Variants in KANSL1L observed in about 807,000 individuals in gnomAD.
KANSL1L encodes the protein KAT8 regulatory NSL complex subunit 1 like, also known as KAT8 regulatory NSL complex subunit 1-like protein.
In KANSL1L, 25 loss-of-function variants were observed where a neutral mutation model predicts 108.6. The ratio of observed to expected loss-of-function variants is 0.23; its 90% confidence interval spans 0.17 to 0.32. The LOEUF is 0.32. Among genes scored for constraint, KANSL1L ranks in the 10% least tolerant of loss-of-function variants. The probability of loss-of-function intolerance (pLI) is 1.00; values close to 1 mark genes in which losing one functional copy is unlikely to be tolerated. For synonymous variants in KANSL1L, 405 were observed against 395.1 expected (o/e 1.03, Z -0.30); for missense variants, 1,137 against 1,125.7 (o/e 1.01, Z -0.14).
chr2:210,048,192 AGCAT>A (rs1429063699), intron 6 of KANSL1L, among the ~76,000 whole-genome samples: 3 of 152,200 alleles, frequency 2.0e-5, no homozygotes, highest in Non-Finnish European at 4.4e-5. Flanking sequence ...CATCACCAAA[AGCAT>A]CCCCATAACT....
intron 1 of KANSL1L, among the ~76,000 whole-genome samples, chr2:210,168,482 G>A (rs1688122525): frequency 6.6e-6 from 1 of 152,048 alleles, no homozygotes; most frequent in South Asian, 2.1e-4. Context: ...AATAATAAAG[G>A]AACTTCAGAT....
intron 2 of KANSL1L, chr2:210,152,458 T>C (rs973275150): frequency 6.6e-6 from 1 of 152,084 alleles, no homozygotes; most frequent in Non-Finnish European, 1.5e-5. Flanking sequence ...TTGGACAGAG[T>C]TGGTCTGTAG....
chr2:210,067,347 T>C (rs923874289), intron 6 of KANSL1L, among the ~76,000 whole-genome samples: 13 of 152,176 alleles, frequency 8.5e-5, no homozygotes, highest in African/African-American at 3.1e-4. Context: ...TTTGTGTGTA[T>C]ATGTATTCAT....
At position 210,167,183 on chromosome 2, in the gene KANSL1L, T is replaced by C. The variant is rs550931042; in HGVS notation, c.-30+3966A>G. Among the ~76,000 whole-genome samples the C allele has an allele frequency of 2.0e-5, 3 of 152,164 alleles. No homozygotes were observed. In the South Asian group the frequency reaches 6.2e-4, roughly 32 times the overall value. Reference sequence around the variant, plus strand: ...ATTAATGGAAAGTAGGAATACAAAATACAGTGTTGTTTTCAAGATTTCTTC... The same window carrying C: ...ATTAATGGAAAGTAGGAATACAAAACACAGTGTTGTTTTCAAGATTTCTTC... On this transcript the variant is annotated intron_variant, in intron 1 of 14. Coordinates refer to ENST00000281772, the MANE Select transcript of KANSL1L (RefSeq NM_152519.4).
At position 210,125,508 on chromosome 2, in the gene KANSL1L, C is replaced by T. The variant is rs760266738; in HGVS notation, c.1230+3523G>A. Among the ~76,000 whole-genome samples the T allele has an allele frequency of 2.6e-5, 4 of 152,128 alleles. No homozygotes were observed. In the South Asian group the frequency reaches 8.3e-4, roughly 32 times the overall value. ...CTGATGCCAAAGCCAGGCAAAGACA[C>T]TATAAGAAAATAAACTACAGATCAA... is the stretch of plus-strand genomic sequence containing the variant. On this transcript the variant is annotated intron_variant, in intron 3 of 14. Coordinates refer to ENST00000281772, the MANE Select transcript of KANSL1L (RefSeq NM_152519.4).
chr2:210,160,065 C>G (rs2095353767), intron 1 of KANSL1L, among the ~76,000 whole-genome samples: 1 of 152,082 alleles, frequency 6.6e-6, no homozygotes, highest in Admixed American at 6.5e-5. Flanking sequence ...CTAAAATTCA[C>G]CATATCAATA....
At position 210,044,847 on chromosome 2, in the gene KANSL1L, G is replaced by A. The variant is rs1441527017; in HGVS notation, c.1756-743C>T. ...TGCAGTGGCAGGATCTCGGCTCACTGCAACTTCTGCCTCCCGGGTTCAAGC... is the reference window on the plus strand; with the variant it reads ...TGCAGTGGCAGGATCTCGGCTCACTACAACTTCTGCCTCCCGGGTTCAAGC... On this transcript the variant is annotated intron_variant, in intron 6 of 14. Coordinates refer to ENST00000281772, the MANE Select transcript of KANSL1L (RefSeq NM_152519.4). The surrounding 1 kb of genome is among the most constrained non-coding windows in gnomAD (Gnocchi z 4.2). Among the ~76,000 whole-genome samples, 2 of 152,172 alleles carry A rather than the reference G, an allele frequency of 1.3e-5. No homozygotes were observed. Among genetic ancestry groups the A allele is most frequent in the East Asian group, 1.9e-4 (1 of 5,170 alleles).
intron 8 of KANSL1L, among the ~76,000 whole-genome samples, chr2:210,036,374 GT>G (rs2094103895): frequency 6.6e-6 from 1 of 151,858 alleles, no homozygotes; most frequent in African/African-American, 2.4e-5. Context: ...TAGAGACAGG[GT>G]TTTACCATGT....
rs148107133 is a variant in KANSL1L at position 210,093,479 on chromosome 2, A to C, written c.1550+4607T>G. Among the ~76,000 whole-genome samples the C allele has an allele frequency of 1.9e-4, 29 of 151,970 alleles. No homozygotes were observed. In the East Asian group the frequency reaches 5.0e-3, roughly 26 times the overall value. On this transcript the variant is annotated intron_variant, in intron 5 of 14. Transcript: ENST00000281772. ...CTTCTTATCATTCCACAATCTATTA[A>C]ATCTTCAGCTTGATTTTGCTGGATT...
At chr2:210,130,761 G>A (rs1049605229) in intron 2 of KANSL1L, among the ~76,000 whole-genome samples, 1 of 152,020 alleles carries the variant, frequency 6.6e-6, no homozygotes, top group Non-Finnish European at 1.5e-5. Context: ...AGGCAAGCAT[G>A]CTAGCGCGTA....
At chr2:210,146,348 G>A (rs201470729) in intron 2 of KANSL1L, among the ~76,000 whole-genome samples, 1 of 152,170 alleles carries the variant, frequency 6.6e-6, no homozygotes, top group East Asian at 1.9e-4. Context: ...CGGGAGTGAA[G>A]ACTGGTATCT....
chr2:210,026,305 G>A (rs903421524), intron 12 of KANSL1L: 5 of 152,150 alleles, frequency 3.3e-5, no homozygotes, highest in African/African-American at 1.2e-4. Context: ...CTTGGAATTA[G>A]TTTGGTTATA....
intron 3 of KANSL1L, among the ~76,000 whole-genome samples, chr2:210,115,823 A>C (rs2094948354): frequency 6.6e-6 from 1 of 152,248 alleles, no homozygotes; most frequent in Admixed American, 6.5e-5. Flanking sequence ...TATTCTAATA[A>C]AAATGTTACC....
Position 210,154,087 on chromosome 2 carries a change from C to G in KANSL1L, c.496G>C (p.Val166Leu), listed in dbSNP as rs2095319939. 1.2e-6 allele frequency: 2 copies of G among 1,613,372 alleles called. No individual in the cohort carries two copies. The highest frequency in any genetic ancestry group is 4.5e-5 in the East Asian group (2 of 44,868). ...NITKDTNVDK[V>L]QLQNCKWYQE... is the part of the protein sequence containing the mutation. ...TACCATTTACAGTTTTGTAGTTGTA[C>G]TTTATCTACATTAGTGTCTTTGGTT... Residue 166 changes from valine (V) to leucine (L), a missense_variant, in exon 2 of 15, where the codon GTA becomes CTA. Transcript: ENST00000281772.
At chr2:210,081,527 A>G (rs2094589818) in intron 5 of KANSL1L, among the ~76,000 whole-genome samples, 1 of 152,132 alleles carries the variant, frequency 6.6e-6, no homozygotes, top group Admixed American at 6.6e-5. Flanking sequence ...TCATAGTGAT[A>G]ATTTTATATT....
chr2:210,136,941 A>C (rs1198823592), intron 2 of KANSL1L, among the ~76,000 whole-genome samples: 1 of 152,220 alleles, frequency 6.6e-6, no homozygotes, highest in Non-Finnish European at 1.5e-5. Context: ...TTGTGAAGAT[A>C]GTGCCAGACC....
intron 3 of KANSL1L, among the ~76,000 whole-genome samples, chr2:210,108,062 C>T (rs2094867961): frequency 6.6e-6 from 1 of 152,020 alleles, no homozygotes; most frequent in South Asian, 2.1e-4. Flanking sequence ...CAGTACTGGC[C>T]ATCCTTCTCA....
chr2:210,050,631 G>C (rs2094280712), intron 6 of KANSL1L, among the ~76,000 whole-genome samples: 1 of 148,872 alleles, frequency 6.7e-6, no homozygotes. Context: ...ATGGCAGGAG[G>C]ATAGCTTGAG....
intron 3 of KANSL1L, among the ~76,000 whole-genome samples, chr2:210,109,043 G>T (rs1368293116): frequency 6.6e-6 from 1 of 151,718 alleles, no homozygotes; most frequent in Non-Finnish European, 1.5e-5. Flanking sequence ...AGTTCCATTG[G>T]TTCATCAAAA....
Sources: gnomAD v4.1 joint callset for allele counts (sites outside exome capture counted in the v4.1 genomes callset) on GRCh38, gnomAD v4.1.1 for gene constraint, Gnocchi (gnomAD v3.1) non-coding constraint, MANE v1.5 for transcripts, NCBI Gene and HGNC (gene_info 2026-07-23, HGNC 2026-07-21) for gene names.